The following DNAJA3 variants were observed in gnomAD, a reference collection of about 807,000 sequenced individuals.
DNAJA3 encodes the protein DnaJ heat shock protein family (Hsp40) member A3.
In DNAJA3, 29 loss-of-function variants were observed where a neutral mutation model predicts 54.9. The ratio of observed to expected loss-of-function variants is 0.53; its 90% CI spans 0.39 to 0.72. The LOEUF (loss-of-function observed/expected upper bound fraction) is 0.72. DNAJA3 is among the 30% of genes least tolerant of loss of function. The pLI, the probability that DNAJA3 is intolerant of heterozygous loss-of-function variation, is 0.00. For synonymous variants in DNAJA3, 302 were observed against 251.4 expected, an observed-to-expected ratio of 1.20 and a Z score of -1.90; for missense variants, 708 against 639.4, an observed-to-expected ratio of 1.11 and a Z score of -1.16.
intron 1 of DNAJA3, among the ~76,000 whole-genome samples, chr16:4,427,830 A>C (rs2056644144): frequency 6.6e-6 from 1 of 151,856 alleles, no homozygotes; most frequent in Admixed American, 6.6e-5. Flanking sequence ...CACCACACCC[A>C]GCTAGTTTTC....
intron 1 of DNAJA3, chr16:4,433,477 C>G (rs1227688822): frequency 6.6e-6 from 1 of 152,172 alleles, no homozygotes; most frequent in Non-Finnish European, 1.5e-5. Flanking sequence ...CTACTGGCAT[C>G]TAGTGGGTGG....
In DNAJA3 at chr16:4,441,584, C is replaced by G. The variant is rs910729771; in HGVS notation, c.630+9C>G. ...TTGATCAGCCTCAGGAAGTAAGTTCCTCACTTGGAAGAATTATTCAAATTT... is the reference window on the plus strand; with the variant it reads ...TTGATCAGCCTCAGGAAGTAAGTTCGTCACTTGGAAGAATTATTCAAATTT... On this transcript the variant is annotated intron_variant, in intron 4 of 11. Transcript: ENST00000262375. 8 of 1,612,226 alleles carry G rather than the reference C, an allele frequency of 5.0e-6. No homozygotes were observed. Among genetic ancestry groups the G allele is most frequent in the Non-Finnish European group, 6.8e-6 (8 of 1,179,470 alleles).
rs775974164 is a variant in DNAJA3 at position 4,441,397 on chromosome 16, G to C, written c.452G>C (p.Arg151Thr). 6.2e-7 allele frequency: 1 copy of C among 1,613,684 alleles called. No homozygotes were observed. The highest frequency in any genetic ancestry group is 8.5e-7 in the Non-Finnish European group (1 of 1,179,958). Residue 151 changes from arginine (R) to threonine (T), a missense_variant, in exon 4 of 12, where the codon AGG becomes ACG. By Grantham distance (71) the Arg-to-Thr change is moderately conservative (BLOSUM62 -1). Transcript: ENST00000262375. ...TAGGTTTTGAGTGATGAGGTGAAGA[G>C]GAAGCAGTACGATGCCTACGGCTCT... ...AYEVLSDEVK[R>T]KQYDAYGSAG...
At chr16:4,455,355 T>C (rs2057023330) in intron 11 of DNAJA3, 191 bp from the exon 12 acceptor site, 2 of 644,564 alleles carry the variant, frequency 3.1e-6, no homozygotes, top group Admixed American at 2.6e-5. Flanking sequence ...GCCTGGGGGC[T>C]GCTCCAGGGG....
intron 3 of DNAJA3, among the ~76,000 whole-genome samples, chr16:4,440,064 AG>A (rs1408275441): frequency 6.6e-6 from 1 of 151,862 alleles, no homozygotes; most frequent in Non-Finnish European, 1.5e-5. Flanking sequence ...CAGCCTCCCA[AG>A]TAGCTGGAAC....
At chr16:4,429,744 G>A (rs2056671676) in intron 1 of DNAJA3, among the ~76,000 whole-genome samples, 1 of 152,080 alleles carries the variant, frequency 6.6e-6, no homozygotes, top group Non-Finnish European at 1.5e-5. Context: ...TGGGGCAGGA[G>A]AATTGCTTGA....
At chr16:4,431,191 A>C (rs1192539575) in intron 1 of DNAJA3, 1 of 152,192 alleles carries the variant, frequency 6.6e-6, no homozygotes, top group East Asian at 1.9e-4. Flanking sequence ...ACAGGTCACT[A>C]CCAGCCTCCG....
At chr16:4,439,208 A>G (rs1268058253) in intron 3 of DNAJA3, among the ~76,000 whole-genome samples, 1 of 152,068 alleles carries the variant, frequency 6.6e-6, no homozygotes, top group Admixed American at 6.6e-5. Flanking sequence ...TAAAAATACA[A>G]AAATTAGCCA....
At chr16:4,452,034 C>T (rs573483663) in intron 10 of DNAJA3, among the ~76,000 whole-genome samples, 1 of 152,190 alleles carries the variant, frequency 6.6e-6, no homozygotes, top group East Asian at 1.9e-4. Flanking sequence ...TGCACCACTG[C>T]ACTACAGCCT....
At position 4,442,285 on chromosome 16, in the gene DNAJA3, A is replaced by G. The variant is rs1235106121; in HGVS notation, c.648A>G (p.Thr216=). 7 of 1,596,950 alleles carry G rather than the reference A, an allele frequency of 4.4e-6. No homozygotes were observed. The highest frequency in any genetic ancestry group is 5.1e-6 in the Non-Finnish European group (6 of 1,170,194). The change falls in exon 5 of 12, where the codon ACA becomes ACG. Residue 216 remains threonine (T), a synonymous_variant. Transcript: ENST00000262375. The part of the protein sequence containing the change: ...DQPQEYFMEL[T]FNQAAKGVNK... Reference sequence around the variant, plus strand: ...TTCTTTAGTACTTCATGGAGTTGACATTCAATCAAGCTGCAAAGGGGGTCA... The same window carrying G: ...TTCTTTAGTACTTCATGGAGTTGACGTTCAATCAAGCTGCAAAGGGGGTCA...
chr16:4,428,044 CG>C (rs988971023), intron 1 of DNAJA3, among the ~76,000 whole-genome samples: 118 of 152,204 alleles, frequency 7.8e-4, no homozygotes, highest in African/African-American at 2.7e-3. Context: ...CTCCGCCTCC[CG>C]GGTTCACGCC....
At chr16:4,442,035 CT>C (rs1189384962) in intron 4 of DNAJA3, among the ~76,000 whole-genome samples, 4 of 152,126 alleles carry the variant, frequency 2.6e-5, no homozygotes, top group Admixed American at 2.6e-4. Context: ...CATTTTCAGT[CT>C]GTTGAAAGTA....
intron 3 of DNAJA3, among the ~76,000 whole-genome samples, chr16:4,439,075 G>A (rs921063557): frequency 6.6e-6 from 1 of 150,494 alleles, no homozygotes; most frequent in Non-Finnish European, 1.5e-5. Context: ...AGTGGCTTAC[G>A]TCTATAATCC....
chr16:4,428,274 CTT>C (rs1485662764), intron 1 of DNAJA3, among the ~76,000 whole-genome samples: 1 of 152,048 alleles, frequency 6.6e-6, no homozygotes, highest in Non-Finnish European at 1.5e-5. Context: ...GAGATGGACT[CTT>C]GCTCTGTTGC....
chr16:4,443,852 A>T (rs919713373), intron 6 of DNAJA3, among the ~76,000 whole-genome samples: 15 of 151,946 alleles, frequency 9.9e-5, no homozygotes, highest in Non-Finnish European at 1.8e-4. Context: ...ACACCCAGCT[A>T]ATTTTTTGTA....
At chr16:4,430,119 G>A (rs1296084768) in intron 1 of DNAJA3, among the ~76,000 whole-genome samples, 3 of 151,708 alleles carry the variant, frequency 2.0e-5, no homozygotes, top group Admixed American at 1.3e-4. Flanking sequence ...ATTTGGCCTA[G>A]GCAACATAAT....
chr16:4,432,522 A>G (rs113449129), intron 1 of DNAJA3, among the ~76,000 whole-genome samples: 3,543 of 149,250 alleles, frequency 0.024, 51 homozygotes, highest in Admixed American at 0.034. Context: ...TTGTATTTTT[A>G]GTAGAGATGG....
Position 4,432,907 on chromosome 16 carries a change from C to T in DNAJA3, c.212-1477C>T, listed in dbSNP as rs553613834. On this transcript the variant is annotated intron_variant, in intron 1 of 11. Transcript: ENST00000262375. ...CGGTAATCCCAGCACTTTGGGAGGT[C>T]GAGGCAGGCGGATCATGAGGTCAGG... 9.8e-3 allele frequency among the ~76,000 whole-genome samples: 1,493 copies of T among 151,964 alleles called. 17 individuals carry two copies. Among genetic ancestry groups the T allele is most frequent in the Non-Finnish European group, 0.016 (1,074 of 67,954 alleles).
intron 8 of DNAJA3, 184 bp downstream of exon 8, chr16:4,447,198 G>C (rs6500601): frequency 0.73 from 477,306 of 658,082 alleles, 174,000 homozygotes; most frequent in Non-Finnish European, 0.75. Context: ...CAGGCCTTGA[G>C]TCTATAATCG....
Sources: allele counts gnomAD v4.1 joint callset (sites outside exome capture counted in the v4.1 genomes callset), GRCh38; gene constraint gnomAD v4.1.1; transcripts MANE v1.5; gene names NCBI Gene and HGNC (gene_info 2026-07-23, HGNC 2026-07-21).